The following NBAS variants were observed in gnomAD, a reference collection of about 807,000 sequenced individuals.
NBAS encodes the protein NBAS subunit of NRZ tethering complex, also known as NAG/BC035112 fusion.
NBAS carries 219 observed loss-of-function variants against 302.5 expected under a neutral mutation model. The observed-to-expected ratio is 0.72, with a 90% CI of 0.65 to 0.81. The LOEUF (loss-of-function observed/expected upper bound fraction) is 0.81. Among genes scored for constraint, NBAS ranks in the 30% least tolerant of loss-of-function variants. NBAS has a pLI of 0.00. For synonymous variants in NBAS, 1,118 were observed against 1,021.6 expected, an observed-to-expected ratio of 1.09 and a Z score of -1.80; for missense variants, 2,932 against 2,841.6, an observed-to-expected ratio of 1.03 and a Z score of -0.72.
At chr2:15,404,510 T>C (rs188799494) in intron 25 of NBAS, among the ~76,000 whole-genome samples, 1 of 151,106 alleles carries the variant, frequency 6.6e-6, no homozygotes, top group African/African-American at 2.4e-5. Context: ...CTTTTTTTTT[T>C]AATTTTTTTT....
chr2:15,367,030 C>T (rs1215562126), intron 31 of NBAS, among the ~76,000 whole-genome samples: 3 of 152,090 alleles, frequency 2.0e-5, no homozygotes, highest in African/African-American at 2.4e-5. Flanking sequence ...TCTCTAAAAA[C>T]TTCATATACT....
intron 6 of NBAS, among the ~76,000 whole-genome samples, chr2:15,541,666 T>C (rs1663828605): frequency 6.6e-6 from 1 of 151,952 alleles, no homozygotes; most frequent in East Asian, 1.9e-4. Flanking sequence ...GAACAGCCAT[T>C]TTTGTAAGTG....
At chr2:15,072,788 T>C in the NBAS span, among the ~76,000 whole-genome samples, 2 of 152,196 alleles carry the variant, frequency 1.3e-5, no homozygotes, top group Non-Finnish European at 2.9e-5. Context: ...AGTAGAACTT[T>C]TAAATTAAAA....
At chr2:15,302,189 G>A (rs1670832903) in intron 40 of NBAS, among the ~76,000 whole-genome samples, 1 of 152,164 alleles carries the variant, frequency 6.6e-6, no homozygotes, top group Non-Finnish European at 1.5e-5. Context: ...TGTCTGTCTG[G>A]AAGACATTCA....
the NBAS span, among the ~76,000 whole-genome samples, chr2:14,927,569 GTC>G: frequency 6.6e-6 from 1 of 152,152 alleles, no homozygotes; most frequent in Non-Finnish European, 1.5e-5. Flanking sequence ...TCTTTTGGGT[GTC>G]TACCTAGAAG....
chr2:15,463,993 A>C (rs2148565408), intron 19 of NBAS, among the ~76,000 whole-genome samples: 1 of 152,268 alleles, frequency 6.6e-6, no homozygotes, highest in Middle Eastern at 3.4e-3. Context: ...GAGAGAAGGC[A>C]AGAGTAGAAA....
chr2:15,552,689 A>G (rs1664436056), intron 5 of NBAS, among the ~76,000 whole-genome samples: 1 of 152,184 alleles, frequency 6.6e-6, no homozygotes, highest in Non-Finnish European at 1.5e-5. Flanking sequence ...TGAATGTCTC[A>G]AGAGGACAGA....
At chr2:15,483,482 G>T in intron 12 of NBAS, 2 of 241,304 alleles carry the variant, frequency 8.3e-6, no homozygotes, top group South Asian at 4.8e-5. Flanking sequence ...GAAAAATTAA[G>T]GCCGAAAATG....
chr2:15,504,540 G>A (rs962498363), intron 10 of NBAS, among the ~76,000 whole-genome samples: 1 of 152,036 alleles, frequency 6.6e-6, no homozygotes, highest in African/African-American at 2.4e-5. Flanking sequence ...CCTAACATCA[G>A]TATAGAAAAA....
chr2:15,007,664 T>C, the NBAS span, among the ~76,000 whole-genome samples: 1 of 152,184 alleles, frequency 6.6e-6, no homozygotes, highest in African/African-American at 2.4e-5. Context: ...AAACTGTGAT[T>C]CTTTCTTTTT....
At chr2:15,506,140 T>C (rs571377957) in intron 10 of NBAS, among the ~76,000 whole-genome samples, 51 of 151,850 alleles carry the variant, frequency 3.4e-4, no homozygotes, top group African/African-American at 1.2e-3. Flanking sequence ...AAAGAGAAGA[T>C]AGTAAGAAGC....
chr2:15,431,844 A>T (rs1364278612), intron 21 of NBAS, among the ~76,000 whole-genome samples: 1 of 148,892 alleles, frequency 6.7e-6, no homozygotes, highest in Non-Finnish European at 1.5e-5. Context: ...CTCAGTTAAT[A>T]AAAAAAAGAC....
chr2:15,433,274 A>G (rs1039966482), intron 21 of NBAS, among the ~76,000 whole-genome samples: 9 of 152,168 alleles, frequency 5.9e-5, no homozygotes, highest in African/African-American at 2.2e-4. Flanking sequence ...CCTGTGCCTC[A>G]CTTTCCTCAC....
At chr2:14,867,707 T>C in the NBAS span, among the ~76,000 whole-genome samples, 5 of 152,358 alleles carry the variant, frequency 3.3e-5, no homozygotes, top group African/African-American at 1.2e-4. Context: ...CTCTGTCTTC[T>C]GAAAGGTGGA....
the NBAS span, among the ~76,000 whole-genome samples, chr2:15,097,473 T>C: frequency 6.6e-6 from 1 of 152,156 alleles, no homozygotes; most frequent in Non-Finnish European, 1.5e-5. Context: ...GGATGGCTTA[T>C]ACCATAGGTT....
At chr2:15,231,046 A>G (rs1306360623) in intron 47 of NBAS, among the ~76,000 whole-genome samples, 1 of 152,158 alleles carries the variant, frequency 6.6e-6, no homozygotes, top group Non-Finnish European at 1.5e-5. Flanking sequence ...TCTATAGCAC[A>G]GTGACTATGG....
chr2:14,892,670 CT>C, the NBAS span, among the ~76,000 whole-genome samples: 12,605 of 147,794 alleles, frequency 0.085, 846 homozygotes, highest in African/African-American at 0.18. Context: ...TCAATATGCT[CT>C]TTTTTTTTTT....
At chr2:15,107,776 G>A in the NBAS span, among the ~76,000 whole-genome samples, 18 of 152,104 alleles carry the variant, frequency 1.2e-4, no homozygotes, top group South Asian at 3.1e-3. Context: ...AACTATCACC[G>A]CAATTCAAGA....
At chr2:15,202,665 G>A (rs1274057313) in intron 48 of NBAS, among the ~76,000 whole-genome samples, 1 of 151,974 alleles carries the variant, frequency 6.6e-6, no homozygotes, top group East Asian at 1.9e-4. Context: ...TCAGCCTCCC[G>A]AGTAGCTGGG....
Sources: gnomAD v4.1 joint callset for allele counts (sites outside exome capture counted in the v4.1 genomes callset) on GRCh38, gnomAD v4.1.1 for gene constraint, MANE v1.5 for transcripts, NCBI Gene and HGNC (gene_info 2026-07-23, HGNC 2026-07-21) for gene names.